GCNA: variants seen among roughly 807,000 people sequenced by gnomAD.
GCNA encodes germ cell nuclear acidic protein.
Under a neutral mutation model 38.8 loss-of-function variants are expected in GCNA, and 3 were observed. That is an observed-to-expected ratio of 0.08 (90% CI 0.04 to 0.20). The LOEUF (loss-of-function observed/expected upper bound fraction) is 0.20. GCNA is among the 10% of genes least tolerant of loss of function. The pLI, the probability that GCNA is intolerant of heterozygous loss-of-function variation, is 1.00. For synonymous variants in GCNA, 195 were observed against 240.2 expected, an observed-to-expected ratio of 0.81 and a Z score of 1.74; for missense variants, 446 against 578.6, an observed-to-expected ratio of 0.77 and a Z score of 2.35.
chrX:71,585,922 T>C (rs1371730362), intron 2 of GCNA, among the ~76,000 whole-genome samples: 2 of 108,627 alleles, frequency 1.8e-5, no homozygotes, highest in African/African-American at 3.4e-5. Context: ...AAAATACTTA[T>C]TGAATCCTGA....
chrX:71,613,583 G>C lies in GCNA; in HGVS notation c.*601G>C, dbSNP rs1005964052. 1 of 113,164 alleles carries C rather than the reference G, an allele frequency of 8.8e-6. No individual in the cohort carries two copies. Among genetic ancestry groups the C allele is most frequent in the African/African-American group, 3.2e-5 (1 of 30,889 alleles). The allele number at this position is 113,164 out of a possible 1,213,427, so 9.3% of individuals were successfully genotyped here. On this transcript the variant is annotated 3_prime_UTR_variant, in exon 13 of 13. Coordinates refer to ENST00000373696, the MANE Select transcript of GCNA (RefSeq NM_052957.5). ...AAAAAATAAAAGTTTTCTGCATCTT[G>C]CTTGTTAGCAAAGTCTGTTCATTGA...
intron 9 of GCNA, among the ~76,000 whole-genome samples, chrX:71,608,463 A>G (rs1236704209): frequency 6.3e-5 from 7 of 110,885 alleles, no homozygotes; most frequent in African/African-American, 2.0e-4. Context: ...TAGTAGAGAC[A>G]GGGTTTCACC....
rs200264438 is a variant in GCNA, at chrX:71,604,201, G to A, written c.924G>A (p.Lys308=). ...SSDDSEAPDD[K]SDDSDVPEDK... is the part of the protein sequence containing the mutation. ...ATGATTCGGAAGCTCCCGACGACAAGAGTGATGATTCGGATGTTCCCGAAG... is the reference window on the plus strand; with the variant it reads ...ATGATTCGGAAGCTCCCGACGACAAAAGTGATGATTCGGATGTTCCCGAAG... Residue 308 remains lysine (K), a synonymous_variant, in exon 8 of 13, where the codon AAG becomes AAA. Coordinates refer to ENST00000373696, the MANE Select transcript of GCNA (RefSeq NM_052957.5). 8 of 1,210,158 alleles carry A rather than the reference G, an allele frequency of 6.6e-6. No homozygotes were observed. The highest frequency in any genetic ancestry group is 8.9e-6 in the Non-Finnish European group (8 of 894,713).
At chrX:71,601,942 T>C (rs1444755739) in intron 7 of GCNA, among the ~76,000 whole-genome samples, 1 of 112,407 alleles carries the variant, frequency 8.9e-6, no homozygotes, top group African/African-American at 3.2e-5. Flanking sequence ...CTCTTTGATA[T>C]ACTGATTTTC....
Position 71,601,256 on chromosome X carries a change from G to T in GCNA, c.311-2332G>T, listed in dbSNP as rs182323356. 7.3e-5 allele frequency among the ~76,000 whole-genome samples: 8 copies of T among 110,278 alleles called. No individual in the cohort carries two copies. In the East Asian group the frequency reaches 2.3e-3, roughly 32 times the overall value. ...CTACTTGGGAGGCTGAGACAGAATT[G>T]CTGGAACCCGGGAGGTGGAGGTTGC... On this transcript the variant is annotated intron_variant, in intron 7 of 12. Coordinates refer to ENST00000373696, the MANE Select transcript of GCNA (RefSeq NM_052957.5).
intron 2 of GCNA, 126 bp from the exon 3 acceptor site, chrX:71,591,996 A>T: frequency 1.6e-6 from 1 of 621,361 alleles, no homozygotes; most frequent in Non-Finnish European, 2.5e-6. Context: ...TAAAGCCCTT[A>T]AAACCTTTTT....
rs766473321 is a variant in GCNA at position 71,591,732 on chromosome X, T to G, written c.60-390T>G. ...ATAGCTCACTGCAACCTTGAATTCC[T>G]GGGCTCAAGCGATCCTCCCCGCTCA... On this transcript the variant is annotated intron_variant, in intron 2 of 12. Coordinates refer to ENST00000373696, the MANE Select transcript of GCNA (RefSeq NM_052957.5). Among the ~76,000 whole-genome samples, 18 of 111,827 alleles carry G rather than the reference T, an allele frequency of 1.6e-4. No homozygotes were observed. In the South Asian group the frequency reaches 6.8e-3, roughly 42 times the overall value.
intron 2 of GCNA, among the ~76,000 whole-genome samples, chrX:71,589,632 G>A (rs1204954241): frequency 9.3e-6 from 1 of 106,983 alleles, no homozygotes; most frequent in East Asian, 2.9e-4. Context: ...ACCCAGCTAA[G>A]TTTTGTATTT....
At chrX:71,597,895 A>C in intron 6 of GCNA, 55 bp from the exon 7 acceptor site, 1 of 951,325 alleles carries the variant, frequency 1.1e-6, no homozygotes, top group Non-Finnish European at 1.5e-6. Flanking sequence ...GCCATGAAAA[A>C]GAAGACTGTT....
At chrX:71,581,288 C>G (rs1346076401) in intron 2 of GCNA, among the ~76,000 whole-genome samples, 1 of 111,955 alleles carries the variant, frequency 8.9e-6, no homozygotes, top group Non-Finnish European at 1.9e-5. Flanking sequence ...TGGAGATGCG[C>G]CCTGAACCAA....
chrX:71,592,814 A>C (rs2040639561), intron 4 of GCNA, among the ~76,000 whole-genome samples: 1 of 110,377 alleles, frequency 9.1e-6, no homozygotes, highest in Admixed American at 9.7e-5. Flanking sequence ...TCTGTGAACT[A>C]TGCCTTAACA....
At position 71,604,253 on chromosome X, in the gene GCNA, G is replaced by A. The variant is rs2040748557; in HGVS notation, c.976G>A (p.Asp326Asn). The change falls in exon 8 of 13, where the codon GAT becomes AAT. Residue 326 changes from aspartate (D) to asparagine (N), a missense_variant. By Grantham distance (23) the Asp-to-Asn change is conservative (BLOSUM62 1). This residue lies in a region of GCNA where 160 missense variants were observed against 165.2 expected (regional missense o/e 0.97). Transcript: ENST00000373696. ...EDKSDDSDVPDDNSDDLEVPV... is the reference protein window; with the variant it reads ...EDKSDDSDVPNDNSDDLEVPV... ...CAAGAGTGATGATTCGGATGTTCCCGATGACAATAGTGATGATTTGGAAGT... is the reference window on the plus strand; with the variant it reads ...CAAGAGTGATGATTCGGATGTTCCCAATGACAATAGTGATGATTTGGAAGT... 14 of 1,212,461 alleles carry A rather than the reference G, an allele frequency of 1.2e-5. No homozygotes were observed. Among genetic ancestry groups the A allele is most frequent in the South Asian group, 1.8e-5 (1 of 57,044 alleles).
At chrX:71,596,075 G>T (rs1424292781) in intron 6 of GCNA, among the ~76,000 whole-genome samples, 1 of 111,615 alleles carries the variant, frequency 9.0e-6, no homozygotes, top group Non-Finnish European at 1.9e-5. Flanking sequence ...AATTAGCAGG[G>T]TGTGGTAGCA....
intron 1 of GCNA, among the ~76,000 whole-genome samples, chrX:71,579,347 G>A (rs1398826668): frequency 2.0e-5 from 2 of 98,989 alleles, no homozygotes; most frequent in Non-Finnish European, 4.1e-5. Flanking sequence ...TAGCGCTGGC[G>A]GTGTGGGGAG....
At chrX:71,585,087 G>C (rs866237076) in intron 2 of GCNA, among the ~76,000 whole-genome samples, 2 of 109,550 alleles carry the variant, frequency 1.8e-5, no homozygotes, top group African/African-American at 3.3e-5. Context: ...GAGGTGGGCG[G>C]ATGGCTTGAG....
intron 9 of GCNA, 56 bp downstream of exon 9, chrX:71,605,785 G>C (rs1023953182): frequency 5.7e-6 from 6 of 1,057,200 alleles, no homozygotes; most frequent in African/African-American, 1.9e-5. Context: ...CGTCACACTG[G>C]GCAGTCCACT....
intron 9 of GCNA, among the ~76,000 whole-genome samples, chrX:71,607,911 C>T (rs1054030995): frequency 1.8e-5 from 2 of 112,599 alleles, no homozygotes; most frequent in Non-Finnish European, 3.8e-5. Context: ...AATTTGTGTC[C>T]AGGGAACATT....
At chrX:71,612,311 G>GTT in intron 11 of GCNA, 44 bp from the exon 12 acceptor site, 1 of 567,669 alleles carries the variant, frequency 1.8e-6, no homozygotes, top group South Asian at 4.3e-5. Context: ...AAAAAAAAGA[G>GTT]GATTGGTTTT....
chrX:71,609,470 G>A (rs1421243586), intron 10 of GCNA, among the ~76,000 whole-genome samples: 3 of 111,931 alleles, frequency 2.7e-5, no homozygotes, highest in Non-Finnish European at 3.8e-5. Flanking sequence ...GAGGATTCTT[G>A]TGGAAGGATA....
Sources: allele counts gnomAD v4.1 joint callset (sites outside exome capture counted in the v4.1 genomes callset), GRCh38; gene constraint gnomAD v4.1.1; regional missense constraint gnomAD v4.1.1; transcripts MANE v1.5; gene names NCBI Gene and HGNC (gene_info 2026-07-23, HGNC 2026-07-21).